Variants in OR1F1 observed in about 807,000 individuals in gnomAD.
OR1F1 encodes the protein olfactory receptor 1F1.
For missense variants in OR1F1, 493 were observed against 376.3 expected, an observed-to-expected ratio of 1.31 and a Z score of -2.57; for synonymous variants, 184 against 156.7, an observed-to-expected ratio of 1.17 and a Z score of -1.30.
chr16:3,196,415 C>T, the OR1F1 span, among the ~76,000 whole-genome samples: 1 of 152,016 alleles, frequency 6.6e-6, no homozygotes, highest in South Asian at 2.1e-4. Context: ...ATGGGGTCTC[C>T]CTCTGTTGCC....
At chr16:3,204,030 G>A (rs1038083611), upstream of OR1F1, among the ~76,000 whole-genome samples, 3 of 152,108 alleles carry the variant, frequency 2.0e-5, no homozygotes, top group African/African-American at 7.2e-5. Flanking sequence ...TTGGACTCAG[G>A]GTGCTCCGTG....
chr16:3,196,808 A>T, the OR1F1 span, among the ~76,000 whole-genome samples: 406 of 147,746 alleles, frequency 2.7e-3, 2 homozygotes, highest in African/African-American at 9.6e-3. Context: ...CTCCAGCCTC[A>T]CCTCAGCCTC....
At chr16:3,192,651 G>A in the OR1F1 span, among the ~76,000 whole-genome samples, 1 of 152,196 alleles carries the variant, frequency 6.6e-6, no homozygotes, top group African/African-American at 2.4e-5. Flanking sequence ...GCTTTGAGCA[G>A]CCTCAAGGGG....
At chr16:3,203,942 A>T (rs1489582320), upstream of OR1F1, among the ~76,000 whole-genome samples, 1 of 152,084 alleles carries the variant, frequency 6.6e-6, no homozygotes, top group African/African-American at 2.4e-5. Flanking sequence ...CGTCTGTCTG[A>T]CATCCTGAAC....
downstream of OR1F1, among the ~76,000 whole-genome samples, chr16:3,205,663 T>C (rs1366306968): frequency 6.6e-6 from 1 of 152,148 alleles, no homozygotes; most frequent in East Asian, 1.9e-4. Context: ...TTATAATTTC[T>C]TACGCCTGTC....
the OR1F1 span, chr16:3,189,805 T>C: frequency 2.6e-5 from 4 of 152,114 alleles, no homozygotes; most frequent in Admixed American, 2.0e-4. Flanking sequence ...AAAGGTAATT[T>C]GTACAAAGGT....
chr16:3,192,120 T>C, the OR1F1 span, among the ~76,000 whole-genome samples: 1 of 152,246 alleles, frequency 6.6e-6, no homozygotes, highest in South Asian at 2.1e-4. Flanking sequence ...GCAGTGGCGC[T>C]ATCTCAACTC....
chr16:3,199,790 C>T (rs1465900319), upstream of OR1F1, among the ~76,000 whole-genome samples: 1 of 151,968 alleles, frequency 6.6e-6, no homozygotes, highest in South Asian at 2.1e-4. Flanking sequence ...CCAAGGCGGG[C>T]GGATCGCCTG....
chr16:3,204,810 C>T, exon 1 of OR1F1: 1 of 1,614,186 alleles, frequency 6.2e-7, no homozygotes, highest in Non-Finnish European at 8.5e-7. Context: ...TGAAACTCTC[C>T]TGCTCAGACA....
chr16:3,205,482 ATTTTT>A (rs36031331), downstream of OR1F1, among the ~76,000 whole-genome samples: 1 of 143,570 alleles, frequency 7.0e-6, no homozygotes, highest in East Asian at 2.0e-4. Context: ...GCCTAGCTAA[ATTTTT>A]TTTTTTTTTT....
chr16:3,193,858 C>G, the OR1F1 span, among the ~76,000 whole-genome samples: 672 of 152,268 alleles, frequency 4.4e-3, 9 homozygotes, highest in African/African-American at 0.015. Context: ...GGGTCATTTT[C>G]TAGCCACCCG....
At chr16:3,203,922 G>T (rs985301362), upstream of OR1F1, among the ~76,000 whole-genome samples, 1 of 152,154 alleles carries the variant, frequency 6.6e-6, no homozygotes, top group African/African-American at 2.4e-5. Flanking sequence ...GTCAGGACCA[G>T]CCTCTGTCCC....
chr16:3,196,125 C>A, the OR1F1 span, among the ~76,000 whole-genome samples: 1 of 152,366 alleles, frequency 6.6e-6, no homozygotes, highest in Admixed American at 6.5e-5. Context: ...TGAGCACACA[C>A]TCCATTATCA....
the OR1F1 span, among the ~76,000 whole-genome samples, chr16:3,195,666 G>C: frequency 7.6e-6 from 1 of 131,482 alleles, no homozygotes; most frequent in African/African-American, 3.0e-5. Context: ...CCGGGGGACA[G>C]AGTGGAACTC....
At chr16:3,204,525 C>A (rs2141593450) in exon 1 of OR1F1, 1 of 1,614,220 alleles carries the variant, frequency 6.2e-7, no homozygotes, top group South Asian at 1.1e-5. Flanking sequence ...AGACCATCTC[C>A]TTCTGTGGCT....
At chr16:3,199,220 C>G in the OR1F1 span, among the ~76,000 whole-genome samples, 53 of 150,454 alleles carry the variant, frequency 3.5e-4, no homozygotes, top group Middle Eastern at 7.2e-3. Flanking sequence ...GGAGAATCAC[C>G]TGAGCCTGGA....
the OR1F1 span, among the ~76,000 whole-genome samples, chr16:3,191,502 C>T: frequency 2.0e-5 from 3 of 152,114 alleles, no homozygotes; most frequent in Admixed American, 6.5e-5. Flanking sequence ...CCCAGGGAAG[C>T]CCGGCTAGCT....
the OR1F1 span, among the ~76,000 whole-genome samples, chr16:3,199,115 CAAAAAAAAAAAAAAAAAAAAAAA>C: frequency 1.9e-4 from 10 of 52,546 alleles, no homozygotes; most frequent in South Asian, 1.2e-3. Flanking sequence ...CCTGTCTCTA[CAAAAAAAAAAAAAAAAAAAAAAA>C]AAAAAAAAAA....
At chr16:3,200,306 T>C (rs766904753), upstream of OR1F1, among the ~76,000 whole-genome samples, 6 of 152,130 alleles carry the variant, frequency 3.9e-5, no homozygotes, top group Admixed American at 6.5e-5. Flanking sequence ...GATATGTTTT[T>C]TACTATTAAA....
Sources: gnomAD v4.1 joint callset for allele counts (sites outside exome capture counted in the v4.1 genomes callset) on GRCh38, gnomAD v4.1.1 for gene constraint, MANE v1.5 for transcripts, NCBI Gene and HGNC (gene_info 2026-07-23, HGNC 2026-07-21) for gene names.